Variants in GALNT13 observed in about 807,000 individuals in gnomAD.
GALNT13 encodes the protein polypeptide N-acetylgalactosaminyltransferase 13.
Under a neutral mutation model 64.2 loss-of-function variants are expected in GALNT13, and 28 were observed. The observed-to-expected ratio is 0.44, with a 90% CI of 0.32 to 0.60. The LOEUF (loss-of-function observed/expected upper bound fraction) is 0.60. Ranked by LOEUF, GALNT13 falls within the 20% of genes least tolerant of loss-of-function variation. The probability of loss-of-function intolerance (pLI) is 0.05; values close to 1 mark genes in which losing one functional copy is unlikely to be tolerated. For synonymous variants in GALNT13, 214 were observed against 224.6 expected (o/e 0.95, Z 0.42); for missense variants, 577 against 669.8 (o/e 0.86, Z 1.53).
At chr2:153,925,129 G>A (rs1475157739) in intron 2 of GALNT13, among the ~76,000 whole-genome samples, 1 of 152,074 alleles carries the variant, frequency 6.6e-6, no homozygotes, top group African/African-American at 2.4e-5. Flanking sequence ...ATCTTGGCCT[G>A]TGCCTATGTC....
chr2:153,754,585 G>A, the GALNT13 span, among the ~76,000 whole-genome samples: 7 of 152,176 alleles, frequency 4.6e-5, no homozygotes, highest in African/African-American at 1.2e-4. Flanking sequence ...CACTCTTCCC[G>A]CTGCTCTGCT....
At chr2:153,468,063 TG>T in the GALNT13 span, among the ~76,000 whole-genome samples, 3 of 151,970 alleles carry the variant, frequency 2.0e-5, no homozygotes, top group African/African-American at 7.2e-5. Context: ...ATTAAGTGAC[TG>T]TTACATGCCA....
At chr2:153,386,976 T>A in the GALNT13 span, among the ~76,000 whole-genome samples, 1 of 152,090 alleles carries the variant, frequency 6.6e-6, no homozygotes, top group Non-Finnish European at 1.5e-5. Context: ...AAATAAACCA[T>A]CCTTCTCTCC....
At chr2:153,934,800 A>G (rs549361372) in intron 2 of GALNT13, among the ~76,000 whole-genome samples, 5 of 152,172 alleles carry the variant, frequency 3.3e-5, no homozygotes, top group Non-Finnish European at 7.3e-5. Context: ...ACATTTTTCA[A>G]TATTCCTTAC....
the GALNT13 span, among the ~76,000 whole-genome samples, chr2:153,596,625 CTGTT>C: frequency 6.6e-6 from 1 of 152,002 alleles, no homozygotes; most frequent in Non-Finnish European, 1.5e-5. Context: ...TTTAATCTCT[CTGTT>C]TAATTAAAAT....
chr2:154,416,413 A>G (rs1700010353), intron 11 of GALNT13, among the ~76,000 whole-genome samples: 1 of 152,084 alleles, frequency 6.6e-6, no homozygotes, highest in Non-Finnish European at 1.5e-5. Context: ...CAGAGACTTC[A>G]TGACTTGATC....
intron 10 of GALNT13, 26 bp from the exon 11 acceptor site, chr2:154,408,956 TCC>T: frequency 1.5e-6 from 2 of 1,349,324 alleles, no homozygotes; most frequent in Non-Finnish European, 2.1e-6. Context: ...TTATGTTTTA[TCC>T]CCCCCCTTTT....
the GALNT13 span, among the ~76,000 whole-genome samples, chr2:153,522,992 A>G: frequency 4.1e-5 from 6 of 146,652 alleles, no homozygotes; most frequent in Non-Finnish European, 6.0e-5. Flanking sequence ...ATTTAGGTCT[A>G]TGATCCATTT....
the GALNT13 span, among the ~76,000 whole-genome samples, chr2:153,634,464 C>T: frequency 6.6e-6 from 1 of 150,886 alleles, no homozygotes. Flanking sequence ...CTCCTAGACT[C>T]TCTTCTTCAT....
chr2:153,109,159 T>G, the GALNT13 span, among the ~76,000 whole-genome samples: 335 of 152,256 alleles, frequency 2.2e-3, no homozygotes, highest in African/African-American at 7.7e-3. Context: ...ATGTTGGTAA[T>G]TCACGTATGT....
chr2:153,106,618 T>C, the GALNT13 span, among the ~76,000 whole-genome samples: 13 of 152,302 alleles, frequency 8.5e-5, no homozygotes, highest in Admixed American at 3.9e-4. Context: ...TCCAGAGATA[T>C]TGTTTTCTAG....
intron 3 of GALNT13, among the ~76,000 whole-genome samples, chr2:154,043,455 T>TATACATATACAC (rs1341373277): frequency 9.5e-6 from 1 of 105,020 alleles, no homozygotes; most frequent in Non-Finnish European, 1.8e-5. Context: ...TATATATATA[T>TATACATATACAC]ACACACATGT....
chr2:154,189,790 G>T (rs1573842289), intron 4 of GALNT13, among the ~76,000 whole-genome samples: 2 of 152,164 alleles, frequency 1.3e-5, no homozygotes, highest in East Asian at 1.9e-4. Context: ...TACTATGGTG[G>T]AGTAGGATAA....
At chr2:153,440,504 T>C in the GALNT13 span, among the ~76,000 whole-genome samples, 2 of 152,202 alleles carry the variant, frequency 1.3e-5, no homozygotes, top group African/African-American at 4.8e-5. Context: ...TTTCTGGTTC[T>C]AGATCCTTGA....
At chr2:153,269,756 G>A in the GALNT13 span, among the ~76,000 whole-genome samples, 1 of 152,166 alleles carries the variant, frequency 6.6e-6, no homozygotes, top group African/African-American at 2.4e-5. Context: ...GGCTCAGGGG[G>A]CCTGAGGAAA....
At chr2:153,599,374 T>A in the GALNT13 span, among the ~76,000 whole-genome samples, 1 of 152,026 alleles carries the variant, frequency 6.6e-6, no homozygotes, top group African/African-American at 2.4e-5. Flanking sequence ...TTAATCAATC[T>A]CTCTTCATCC....
chr2:153,460,214 C>T, the GALNT13 span, among the ~76,000 whole-genome samples: 4 of 151,956 alleles, frequency 2.6e-5, no homozygotes, highest in African/African-American at 4.8e-5. Flanking sequence ...TGAATGTGTT[C>T]GAAGTACTTA....
At chr2:153,448,159 T>C in the GALNT13 span, among the ~76,000 whole-genome samples, 2 of 152,186 alleles carry the variant, frequency 1.3e-5, no homozygotes, top group Non-Finnish European at 2.9e-5. Flanking sequence ...GGTACTGATA[T>C]GGATAAAAGA....
At chr2:153,615,003 A>G in the GALNT13 span, among the ~76,000 whole-genome samples, 1 of 152,000 alleles carries the variant, frequency 6.6e-6, no homozygotes, top group South Asian at 2.1e-4. Context: ...GCCGTTAACC[A>G]TCACCACCTC....
Sources: gnomAD v4.1 joint callset for allele counts (sites outside exome capture counted in the v4.1 genomes callset) on GRCh38, gnomAD v4.1.1 for gene constraint, MANE v1.5 for transcripts, NCBI Gene and HGNC (gene_info 2026-07-23, HGNC 2026-07-21) for gene names.